Variants in TAFA2 observed in about 807,000 individuals in gnomAD.
TAFA2 encodes the protein chemokine-like protein TAFA-2.
TAFA2 carries 7 observed loss-of-function variants against 18.8 expected under a neutral mutation model. The observed-to-expected ratio is 0.37, with a 90% CI of 0.21 to 0.70. The LOEUF is 0.70. Ranked by LOEUF, TAFA2 falls within the 30% of genes least tolerant of loss-of-function variation. TAFA2 has a pLI of 0.53. For missense variants in TAFA2, 122 were observed against 158.1 expected (o/e 0.77, Z 1.23); for synonymous variants, 60 against 54.2 (o/e 1.11, Z -0.47).
At chr12:61,862,733 C>T (rs1215922969) in intron 2 of TAFA2, among the ~76,000 whole-genome samples, 1 of 152,186 alleles carries the variant, frequency 6.6e-6, no homozygotes, top group African/African-American at 2.4e-5. Flanking sequence ...ATACCTATTG[C>T]TGCTTTGCCT....
chr12:61,754,794 T>C lies in TAFA2; in HGVS notation c.259+78A>G. 2 of 1,440,072 alleles carry C rather than the reference T, an allele frequency of 1.4e-6. 1 individual carries two copies. The allele number at this position is 1,440,072 out of a possible 1,614,324, so 89.2% of individuals were successfully genotyped here. A position where few individuals can be genotyped will look rare whatever the true frequency, so the allele number is the denominator to read the frequency against. Reference sequence around the variant, plus strand: ...TGTTCACCCAGGATTGACCTCCCATTGAGAGCATTATAGTGGGGTTCTAGT... The same window carrying C: ...TGTTCACCCAGGATTGACCTCCCATCGAGAGCATTATAGTGGGGTTCTAGT... On this transcript the variant is annotated intron_variant, in intron 3 of 4. Transcript: ENST00000416284.
chr12:61,908,592 A>T (rs146987934), intron 1 of TAFA2, among the ~76,000 whole-genome samples: 2 of 152,294 alleles, frequency 1.3e-5, no homozygotes, highest in East Asian at 1.9e-4. Flanking sequence ...ACGCTCAAAA[A>T]AACACAAAGA....
At chr12:61,938,758 A>C (rs1346482923) in intron 1 of TAFA2, among the ~76,000 whole-genome samples, 1 of 152,174 alleles carries the variant, frequency 6.6e-6, no homozygotes, top group Non-Finnish European at 1.5e-5. Flanking sequence ...CTTTTGCAGC[A>C]ACTTGGATAG....
chr12:62,056,698 C>T (rs1387647033), intron 1 of TAFA2, among the ~76,000 whole-genome samples: 2 of 152,178 alleles, frequency 1.3e-5, no homozygotes, highest in Non-Finnish European at 2.9e-5. Flanking sequence ...TAAGCAAGTC[C>T]TTCCTCAAAG....
intron 1 of TAFA2, among the ~76,000 whole-genome samples, chr12:61,975,058 A>G (rs985811715): frequency 2.6e-5 from 4 of 151,702 alleles, no homozygotes; most frequent in Non-Finnish European, 4.4e-5. Flanking sequence ...TAAGGTGCAC[A>G]AAGTGATGTT....
intron 1 of TAFA2, among the ~76,000 whole-genome samples, chr12:61,907,276 G>A (rs1358163685): frequency 6.6e-6 from 1 of 152,188 alleles, no homozygotes; most frequent in Non-Finnish European, 1.5e-5. Flanking sequence ...TCTGTGGGCT[G>A]GGCCCAGTGC....
At chr12:62,211,334 C>T (rs538757222) in intron 1 of TAFA2, among the ~76,000 whole-genome samples, 5 of 152,154 alleles carry the variant, frequency 3.3e-5, no homozygotes, top group Non-Finnish European at 7.4e-5. Context: ...AATCCCAGCA[C>T]TTTGGCAGGC....
intron 1 of TAFA2, among the ~76,000 whole-genome samples, chr12:62,110,135 A>G (rs1869656286): frequency 1.3e-5 from 2 of 152,072 alleles, no homozygotes; most frequent in Non-Finnish European, 1.5e-5. Flanking sequence ...AGCTCTTATT[A>G]TTTTCAGATG....
intron 2 of TAFA2, among the ~76,000 whole-genome samples, chr12:61,784,739 A>G (rs1464069366): frequency 6.6e-6 from 1 of 151,132 alleles, no homozygotes; most frequent in Admixed American, 6.6e-5. Flanking sequence ...ACGTTACATA[A>G]AAGGGAAGTT....
At chr12:61,809,263 C>A (rs1176845844) in intron 2 of TAFA2, among the ~76,000 whole-genome samples, 5 of 151,432 alleles carry the variant, frequency 3.3e-5, no homozygotes, top group Admixed American at 2.6e-4. Flanking sequence ...CCATTATGAA[C>A]CTCAGTTTTC....
At chr12:62,220,316 A>G (rs1385284229) in intron 1 of TAFA2, among the ~76,000 whole-genome samples, 23 of 152,194 alleles carry the variant, frequency 1.5e-4, no homozygotes, top group Non-Finnish European at 3.4e-4. Context: ...AACAAGACAA[A>G]AAATTTTTAA....
chr12:61,763,481 C>T (rs1869650620), intron 2 of TAFA2, among the ~76,000 whole-genome samples: 1 of 151,850 alleles, frequency 6.6e-6, no homozygotes. Context: ...TATCTTCCCA[C>T]CCACATTTTA....
intron 1 of TAFA2, among the ~76,000 whole-genome samples, chr12:62,138,657 T>C (rs1447898882): frequency 6.6e-6 from 1 of 152,146 alleles, no homozygotes; most frequent in African/African-American, 2.4e-5. Flanking sequence ...ACTGCTGTAA[T>C]AGGAGGGCTG....
chr12:61,912,200 T>C (rs972856924), intron 1 of TAFA2, among the ~76,000 whole-genome samples: 1 of 152,124 alleles, frequency 6.6e-6, no homozygotes, highest in Admixed American at 6.6e-5. Flanking sequence ...AGAACCAGGG[T>C]GGGGATTCAA....
chr12:61,818,010 C>T (rs1490390114), intron 2 of TAFA2, among the ~76,000 whole-genome samples: 4 of 152,148 alleles, frequency 2.6e-5, no homozygotes, highest in Non-Finnish European at 5.9e-5. Context: ...CAGACTCTCC[C>T]CAGTGTCCAA....
At chr12:62,034,281 G>A (rs907760824) in intron 1 of TAFA2, among the ~76,000 whole-genome samples, 1 of 152,060 alleles carries the variant, frequency 6.6e-6, no homozygotes, top group African/African-American at 2.4e-5. Flanking sequence ...CACTGTAAGG[G>A]ACAGGATGAA....
chr12:61,910,905 A>G (rs888774656), intron 1 of TAFA2, among the ~76,000 whole-genome samples: 1 of 152,132 alleles, frequency 6.6e-6, no homozygotes, highest in African/African-American at 2.4e-5. Flanking sequence ...GATTTGGACA[A>G]CTCTATTTTA....
At chr12:61,941,163 T>TA (rs1877988884) in intron 1 of TAFA2, among the ~76,000 whole-genome samples, 1 of 152,188 alleles carries the variant, frequency 6.6e-6, no homozygotes, top group South Asian at 2.1e-4. Context: ...GATATATTGT[T>TA]ACCATAAACA....
At chr12:62,233,955 A>G (rs1043309982) in intron 1 of TAFA2, among the ~76,000 whole-genome samples, 3 of 152,180 alleles carry the variant, frequency 2.0e-5, no homozygotes, top group East Asian at 3.9e-4. Flanking sequence ...AGAGGCCCAG[A>G]TAAGCTTGAG....
Sources: allele counts gnomAD v4.1 joint callset (sites outside exome capture counted in the v4.1 genomes callset), GRCh38; gene constraint gnomAD v4.1.1; transcripts MANE v1.5; gene names NCBI Gene and HGNC (gene_info 2026-07-23, HGNC 2026-07-21).